The following DLGAP4 variants were observed in gnomAD, a reference collection of about 807,000 sequenced individuals.
DLGAP4 encodes the protein disks large-associated protein 4.
In DLGAP4, 18 loss-of-function variants were observed where a neutral mutation model predicts 86.9. The ratio of observed to expected loss-of-function variants is 0.21; its 90% CI spans 0.14 to 0.31. DLGAP4 has a LOEUF of 0.31. DLGAP4 is among the 10% of genes least tolerant of loss of function. The pLI, the probability that DLGAP4 is intolerant of heterozygous loss-of-function variation, is 1.00. For missense variants in DLGAP4, 1,085 were observed against 1,362.6 expected (o/e 0.80, Z 3.21); for synonymous variants, 548 against 574.3 (o/e 0.95, Z 0.65).
At chr20:36,478,449 C>T (rs538455555) in intron 7 of DLGAP4, among the ~76,000 whole-genome samples, 3 of 152,288 alleles carry the variant, frequency 2.0e-5, no homozygotes, top group East Asian at 1.9e-4. Flanking sequence ...CAGGACAGTT[C>T]GAAGCCTTCG....
At chr20:36,519,781 G>C (rs2037262303) in intron 10 of DLGAP4, among the ~76,000 whole-genome samples, 1 of 145,266 alleles carries the variant, frequency 6.9e-6, no homozygotes, top group Admixed American at 6.7e-5. Flanking sequence ...AGCTTTTGGG[G>C]TTTGTTTGTT....
At chr20:36,506,939 G>A (rs563843143) in intron 10 of DLGAP4, among the ~76,000 whole-genome samples, 49 of 152,248 alleles carry the variant, frequency 3.2e-4, no homozygotes, top group African/African-American at 1.0e-3. Flanking sequence ...TGTGACTGGC[G>A]TATTTCACTT....
chr20:36,396,731 G>A (rs1004803259), intron 2 of DLGAP4, among the ~76,000 whole-genome samples: 4 of 146,402 alleles, frequency 2.7e-5, no homozygotes, highest in African/African-American at 5.0e-5. Flanking sequence ...GATTCCAGGG[G>A]CCTATTGAAG....
At chr20:36,483,587 T>C (rs1467290019) in intron 7 of DLGAP4, among the ~76,000 whole-genome samples, 2 of 152,196 alleles carry the variant, frequency 1.3e-5, no homozygotes, top group African/African-American at 4.8e-5. Flanking sequence ...CTGAGGGACC[T>C]GGGGTGGGGT....
At chr20:36,435,830 G>A (rs182232357) in intron 3 of DLGAP4, among the ~76,000 whole-genome samples, 59 of 152,298 alleles carry the variant, frequency 3.9e-4, no homozygotes, top group African/African-American at 1.4e-3. Context: ...GATGGCTGCA[G>A]TGGAGGCCAC....
chr20:36,373,271 A>G (rs2031014330), intron 2 of DLGAP4, among the ~76,000 whole-genome samples: 1 of 152,228 alleles, frequency 6.6e-6, no homozygotes. Flanking sequence ...AGCTGGATCC[A>G]GGACCTCAGG....
chr20:36,432,993 A>T lies in DLGAP4; in HGVS notation c.999+277A>T, dbSNP rs756988716. ...AGAAGACAAATCTGGAAGCTGTGCCATCCCAACCCCCTCACAGAACCAATT... is the reference window on the plus strand; with the variant it reads ...AGAAGACAAATCTGGAAGCTGTGCCTTCCCAACCCCCTCACAGAACCAATT... On this transcript the variant is annotated intron_variant, in intron 3 of 12. Transcript: ENST00000339266. This position sits in a 1 kb window ranked among gnomAD's most constrained non-coding sequence, Gnocchi z 6.5. Among the ~76,000 whole-genome samples, 36 of 152,132 alleles carry T rather than the reference A, an allele frequency of 2.4e-4. No homozygotes were observed. Among genetic ancestry groups the T allele is most frequent in the Non-Finnish European group, 4.6e-4 (31 of 68,032 alleles).
chr20:36,371,036 GACC>G (rs2030911499), intron 2 of DLGAP4, among the ~76,000 whole-genome samples: 3 of 152,094 alleles, frequency 2.0e-5, no homozygotes, highest in African/African-American at 7.2e-5. Flanking sequence ...AGAGGACTGA[GACC>G]TAAGTCCACA....
chr20:36,429,390 C>G (rs936759938), intron 2 of DLGAP4, among the ~76,000 whole-genome samples: 1 of 121,840 alleles, frequency 8.2e-6, no homozygotes, highest in African/African-American at 3.1e-5. Context: ...ATTCCTGTTT[C>G]TTTTTTTCTT....
At chr20:36,449,189 T>G (rs2033672174) in intron 7 of DLGAP4, among the ~76,000 whole-genome samples, 1 of 152,126 alleles carries the variant, frequency 6.6e-6, no homozygotes, top group African/African-American at 2.4e-5. Context: ...GCAATCTTCA[T>G]TCACCTCACT....
intron 7 of DLGAP4, chr20:36,462,451 G>GC (rs1051695479): frequency 5.5e-5 from 84 of 1,532,278 alleles, no homozygotes; most frequent in African/African-American, 4.5e-4. Context: ...GGGGCCCTTG[G>GC]CCCCCCCTTG....
At chr20:36,487,466 G>A (rs1200973070) in intron 7 of DLGAP4, among the ~76,000 whole-genome samples, 1 of 152,196 alleles carries the variant, frequency 6.6e-6, no homozygotes, top group African/African-American at 2.4e-5. Context: ...GCCCCAGGAA[G>A]CTGAGGATCC....
intron 2 of DLGAP4, among the ~76,000 whole-genome samples, chr20:36,377,972 C>T (rs1011066189): frequency 2.0e-5 from 3 of 152,208 alleles, no homozygotes; most frequent in East Asian, 1.9e-4. Flanking sequence ...TGCTACTCCT[C>T]GGGCCTGGTC....
At chr20:36,346,724 T>A (rs2029953342) in intron 1 of DLGAP4, among the ~76,000 whole-genome samples, 1 of 152,280 alleles carries the variant, frequency 6.6e-6, no homozygotes, top group Non-Finnish European at 1.5e-5. Context: ...CATTTTTTTT[T>A]AATTCTATGA....
intron 1 of DLGAP4, among the ~76,000 whole-genome samples, chr20:36,307,353 T>A (rs1555889585): frequency 1.3e-5 from 2 of 152,084 alleles, no homozygotes; most frequent in African/African-American, 4.8e-5. Context: ...TACCTGGACG[T>A]GTAATGGCCC....
intron 1 of DLGAP4, among the ~76,000 whole-genome samples, chr20:36,352,057 C>T (rs1555893508): frequency 6.6e-6 from 1 of 152,130 alleles, no homozygotes; most frequent in African/African-American, 2.4e-5. Context: ...GCTACAGAAG[C>T]TCAGGGGAAT....
At chr20:36,411,439 T>C (rs1192999304) in intron 2 of DLGAP4, among the ~76,000 whole-genome samples, 1 of 152,218 alleles carries the variant, frequency 6.6e-6, no homozygotes, top group Non-Finnish European at 1.5e-5. Flanking sequence ...TTATTCTTTT[T>C]GACAGCTGCA....
At chr20:36,321,546 T>C (rs1555890546) in intron 1 of DLGAP4, among the ~76,000 whole-genome samples, 1 of 152,240 alleles carries the variant, frequency 6.6e-6, no homozygotes, top group Non-Finnish European at 1.5e-5. Flanking sequence ...CAGAAATAGC[T>C]CACACGTGCT....
chr20:36,490,904 C>A (rs938947291), intron 7 of DLGAP4, among the ~76,000 whole-genome samples: 5 of 151,880 alleles, frequency 3.3e-5, no homozygotes, highest in Admixed American at 2.6e-4. Flanking sequence ...CAATAAAAAA[C>A]AAAATGCAGG....
Sources: gnomAD v4.1 joint callset for allele counts (sites outside exome capture counted in the v4.1 genomes callset) on GRCh38, gnomAD v4.1.1 for gene constraint, Gnocchi (gnomAD v3.1) non-coding constraint, MANE v1.5 for transcripts, NCBI Gene and HGNC (gene_info 2026-07-23, HGNC 2026-07-21) for gene names.